Variants in OLFM2 observed in about 807,000 individuals in gnomAD.
OLFM2 encodes the protein olfactomedin 2.
OLFM2 carries 20 observed loss-of-function variants against 43.9 expected under a neutral mutation model. The ratio of observed to expected loss-of-function variants is 0.46; its 90% confidence interval spans 0.32 to 0.66. The LOEUF (loss-of-function observed/expected upper bound fraction) is 0.66. Among genes scored for constraint, OLFM2 ranks in the 30% least tolerant of loss-of-function variants. The pLI, the probability that OLFM2 is intolerant of heterozygous loss-of-function variation, is 0.04. For missense variants in OLFM2, 416 were observed against 643.6 expected, an observed-to-expected ratio of 0.65 and a Z score of 3.83; for synonymous variants, 268 against 278.6, an observed-to-expected ratio of 0.96 and a Z score of 0.38.
intron 1 of OLFM2, among the ~76,000 whole-genome samples, chr19:9,897,749 T>TC (rs1252856331): frequency 6.6e-6 from 1 of 152,028 alleles, no homozygotes; most frequent in African/African-American, 2.4e-5. Flanking sequence ...CCAAGACAAT[T>TC]CAGGCTCCTC....
At chr19:9,931,728 GAAATA>G (rs2086483868) in intron 1 of OLFM2, among the ~76,000 whole-genome samples, 1 of 149,608 alleles carries the variant, frequency 6.7e-6, no homozygotes, top group African/African-American at 2.5e-5. Context: ...AAAAAAAAAA[GAAATA>G]AAAAGAAAAA....
chr19:9,898,982 A>G (rs1030393221), intron 1 of OLFM2, among the ~76,000 whole-genome samples: 1 of 152,192 alleles, frequency 6.6e-6, no homozygotes. Context: ...CAAATCGTCC[A>G]GCAGCTTCTC....
intron 1 of OLFM2, chr19:9,913,414 G>A (rs1170284671): frequency 1.1e-6 from 1 of 913,408 alleles, no homozygotes; most frequent in Non-Finnish European, 1.3e-6. Context: ...CGGGGGCTGC[G>A]GCGGCGGCAG....
chr19:9,879,148 TA>T (rs2046517306), intron 1 of OLFM2, among the ~76,000 whole-genome samples: 1 of 152,158 alleles, frequency 6.6e-6, no homozygotes, highest in African/African-American at 2.4e-5. Context: ...TTTGTTTGTT[TA>T]TTTATTTTGA....
intron 1 of OLFM2, among the ~76,000 whole-genome samples, chr19:9,917,393 GC>G (rs34160227): frequency 6.6e-6 from 1 of 151,822 alleles, no homozygotes; most frequent in African/African-American, 2.4e-5. Flanking sequence ...GCCATGCCCT[GC>G]CCTTCCCCCA....
At chr19:9,890,410 G>A (rs2046628582) in intron 1 of OLFM2, among the ~76,000 whole-genome samples, 1 of 152,210 alleles carries the variant, frequency 6.6e-6, no homozygotes, top group African/African-American at 2.4e-5. Flanking sequence ...CCTGCCTCAA[G>A]GAAGGAAACA....
At chr19:9,905,239 T>C (rs1322127741) in intron 1 of OLFM2, among the ~76,000 whole-genome samples, 2 of 152,050 alleles carry the variant, frequency 1.3e-5, no homozygotes, top group Admixed American at 1.3e-4. Flanking sequence ...GGGCAGATCA[T>C]GAGGTCAGGA....
chr19:9,919,233 C>T (rs1019634227), intron 1 of OLFM2, among the ~76,000 whole-genome samples: 3 of 150,892 alleles, frequency 2.0e-5, no homozygotes, highest in Non-Finnish European at 4.4e-5. Context: ...ATGGGATGAT[C>T]TCGGCTCACT....
intron 2 of OLFM2, chr19:9,858,159 G>A: frequency 2.1e-6 from 1 of 485,626 alleles, no homozygotes; most frequent in Non-Finnish European, 3.8e-6. Context: ...ACAGCAGACA[G>A]AAGGAACTTT....
At chr19:9,934,240 T>G (rs938729531) in intron 1 of OLFM2, among the ~76,000 whole-genome samples, 5 of 152,096 alleles carry the variant, frequency 3.3e-5, no homozygotes, top group Non-Finnish European at 7.4e-5. Flanking sequence ...CCGAGACTGT[T>G]TCACAACCAT....
intron 1 of OLFM2, among the ~76,000 whole-genome samples, chr19:9,924,130 C>T (rs886492821): frequency 7.9e-6 from 1 of 126,754 alleles, no homozygotes; most frequent in African/African-American, 3.1e-5. Context: ...AAAAAAAAAG[C>T]CCGGGCGCAG....
At chr19:9,876,268 G>C (rs116230076) in intron 1 of OLFM2, among the ~76,000 whole-genome samples, 1,795 of 152,282 alleles carry the variant, frequency 0.012, 33 homozygotes, top group African/African-American at 0.041. Flanking sequence ...ATCCGTCCGC[G>C]TGTGGAAAAG....
chr19:9,922,832 G>T (rs1568387501), intron 1 of OLFM2, among the ~76,000 whole-genome samples: 1 of 151,110 alleles, frequency 6.6e-6, no homozygotes, highest in African/African-American at 2.4e-5. Context: ...GATCGCTTGA[G>T]CCTGGGAGGT....
Position 9,857,408 on chromosome 19 carries a change from G to A in OLFM2, c.435C>T (p.Thr145=). ...VLEQYKADTR[T]IVRLREEVRN... ...TCACCTCCTCCCGCAAGCGTACAAT[G>A]GTCCGCGTGTCTGCCTTGTACTGCT... The change falls in exon 4 of 6, where the codon ACC becomes ACT. Residue 145 remains threonine (T), a synonymous_variant. Transcript: ENST00000264833. The surrounding 1 kb of genome is among the most constrained non-coding windows in gnomAD (Gnocchi z 5.7). The A allele has an allele frequency of 6.2e-7, 1 of 1,614,126 alleles. No homozygotes were observed. The highest frequency in any genetic ancestry group is 8.5e-7 in the Non-Finnish European group (1 of 1,180,010).
chr19:9,923,965 TG>T (rs2086436553), intron 1 of OLFM2, among the ~76,000 whole-genome samples: 1 of 151,294 alleles, frequency 6.6e-6, no homozygotes. Context: ...CCGGGCTTGG[TG>T]GTGTGTGCCT....
intron 1 of OLFM2, among the ~76,000 whole-genome samples, chr19:9,892,797 T>A (rs949429697): frequency 6.6e-6 from 1 of 152,178 alleles, no homozygotes; most frequent in Non-Finnish European, 1.5e-5. Flanking sequence ...ACAGTTTGGG[T>A]GACGCGGCTC....
intron 1 of OLFM2, among the ~76,000 whole-genome samples, chr19:9,878,902 A>G (rs1298767964): frequency 6.6e-6 from 1 of 152,156 alleles, no homozygotes; most frequent in Non-Finnish European, 1.5e-5. Context: ...GCTGGAGCAC[A>G]GTGGCGCAGT....
intron 1 of OLFM2, among the ~76,000 whole-genome samples, chr19:9,911,353 G>A (rs542335905): frequency 6.6e-6 from 1 of 152,116 alleles, no homozygotes; most frequent in Non-Finnish European, 1.5e-5. Flanking sequence ...AAAGTATAAT[G>A]AGACTGAGGG....
At chr19:9,865,148 T>C (rs1599468172) in intron 1 of OLFM2, among the ~76,000 whole-genome samples, 1 of 143,718 alleles carries the variant, frequency 7.0e-6, no homozygotes, top group Non-Finnish European at 1.5e-5. Context: ...CTCTCCCACC[T>C]CCCTTCTTCT....
Sources: allele counts gnomAD v4.1 joint callset (sites outside exome capture counted in the v4.1 genomes callset), GRCh38; gene constraint gnomAD v4.1.1; non-coding constraint Gnocchi (gnomAD v3.1); transcripts MANE v1.5; gene names NCBI Gene and HGNC (gene_info 2026-07-23, HGNC 2026-07-21).